POLK: variants seen among roughly 807,000 people sequenced by gnomAD.
The protein encoded by POLK is DNA polymerase kappa.
In POLK, 76 loss-of-function variants were observed where a neutral mutation model predicts 94.0. The observed-to-expected ratio is 0.81, with a 90% CI of 0.67 to 0.98. The LOEUF (loss-of-function observed/expected upper bound fraction) is 0.98. Among genes scored for constraint, POLK ranks in the 50% least tolerant of loss-of-function variants. The pLI, the probability that POLK is intolerant of heterozygous loss-of-function variation, is 0.00. For missense variants in POLK, 954 were observed against 1,010.1 expected, an observed-to-expected ratio of 0.94 and a Z score of 0.75; for synonymous variants, 349 against 325.4, an observed-to-expected ratio of 1.07 and a Z score of -0.78.
chr5:75,537,686 A>AT (rs1769517360), intron 1 of POLK, among the ~76,000 whole-genome samples: 1 of 152,164 alleles, frequency 6.6e-6, no homozygotes, highest in Admixed American at 6.5e-5. Context: ...ATTACACATT[A>AT]TGGCATTAGT....
At chr5:75,590,644 G>A in intron 11 of POLK, 1 of 531,470 alleles carries the variant, frequency 1.9e-6, no homozygotes, top group East Asian at 2.8e-5. Flanking sequence ...ATTCTATGAA[G>A]AAGCACCTTA....
At chr5:75,550,750 G>A (rs1006321333) in intron 2 of POLK, among the ~76,000 whole-genome samples, 1 of 151,964 alleles carries the variant, frequency 6.6e-6, no homozygotes, top group Admixed American at 6.6e-5. Context: ...GAAATAGAAG[G>A]GTACTTCCTC....
At chr5:75,603,860 A>T (rs1353601871), downstream of POLK, among the ~76,000 whole-genome samples, 9 of 152,266 alleles carry the variant, frequency 5.9e-5, no homozygotes, top group South Asian at 1.9e-3. Context: ...CCCTCTGGAA[A>T]AATTGATCAG....
At chr5:75,516,679 CAAAAT>C (rs1226762384) in intron 1 of POLK, among the ~76,000 whole-genome samples, 1 of 151,724 alleles carries the variant, frequency 6.6e-6, no homozygotes, top group Non-Finnish European at 1.5e-5. Context: ...AACAAAAAAA[CAAAAT>C]AAAACAACTT....
intron 1 of POLK, among the ~76,000 whole-genome samples, chr5:75,526,089 T>G (rs1768828640): frequency 6.6e-6 from 1 of 152,216 alleles, no homozygotes; most frequent in Admixed American, 6.5e-5. Flanking sequence ...CATTTATATA[T>G]GCATGTTTTT....
At chr5:75,521,936 G>C (rs1768608072) in intron 1 of POLK, among the ~76,000 whole-genome samples, 1 of 152,190 alleles carries the variant, frequency 6.6e-6, no homozygotes, top group East Asian at 1.9e-4. Context: ...AGGGGTTTGT[G>C]CCCAGGGGAC....
downstream of POLK, among the ~76,000 whole-genome samples, chr5:75,603,427 CAAAAAA>C (rs11350660): frequency 7.5e-6 from 1 of 133,878 alleles, no homozygotes; most frequent in African/African-American, 2.7e-5. Flanking sequence ...ACTCTCATGT[CAAAAAA>C]AAAAAAAAAG....
intron 3 of POLK, among the ~76,000 whole-genome samples, chr5:75,563,242 G>A (rs1314987353): frequency 6.6e-6 from 1 of 152,102 alleles, no homozygotes; most frequent in Non-Finnish European, 1.5e-5. Flanking sequence ...GATTACAGAC[G>A]TGAGCCACTG....
chr5:75,521,539 A>G (rs1349205652), intron 1 of POLK, among the ~76,000 whole-genome samples: 1 of 152,066 alleles, frequency 6.6e-6, no homozygotes, highest in East Asian at 1.9e-4. Context: ...TAAAATCACT[A>G]TTTTGTATTC....
At chr5:75,556,510 A>G (rs1362192311) in intron 3 of POLK, among the ~76,000 whole-genome samples, 1 of 152,092 alleles carries the variant, frequency 6.6e-6, no homozygotes, top group Non-Finnish European at 1.5e-5. Flanking sequence ...GAAATTTTTA[A>G]TTTTAATGAA....
chr5:75,575,482 G>A (rs1771826155), intron 5 of POLK, among the ~76,000 whole-genome samples: 1 of 152,142 alleles, frequency 6.6e-6, no homozygotes. Context: ...TGCCCAGTTA[G>A]CCATTTTTGT....
chr5:75,575,889 G>A (rs994283174), intron 5 of POLK, among the ~76,000 whole-genome samples: 10 of 152,042 alleles, frequency 6.6e-5, no homozygotes, highest in African/African-American at 2.4e-4. Flanking sequence ...GAAGCTTAAC[G>A]TAATTCAGCA....
At chr5:75,512,455 T>C (rs960230128) in intron 1 of POLK, 4 of 152,218 alleles carry the variant, frequency 2.6e-5, no homozygotes, top group African/African-American at 9.7e-5. Flanking sequence ...AATGAATATC[T>C]TACTGAGAAC....
chr5:75,533,628 G>A (rs1769292421), intron 1 of POLK, among the ~76,000 whole-genome samples: 1 of 152,140 alleles, frequency 6.6e-6, no homozygotes. Context: ...TTTGTGAAGA[G>A]TGTCCTTTGT....
chr5:75,555,312 C>T (rs1455783594), intron 3 of POLK, among the ~76,000 whole-genome samples: 1 of 151,766 alleles, frequency 6.6e-6, no homozygotes, highest in Non-Finnish European at 1.5e-5. Flanking sequence ...TTCATCCCTC[C>T]CTCCCCCACT....
intron 1 of POLK, among the ~76,000 whole-genome samples, chr5:75,529,796 TA>T (rs1042634631): frequency 1.2e-4 from 19 of 152,108 alleles, no homozygotes; most frequent in African/African-American, 4.3e-4. Flanking sequence ...TGAAATAGTA[TA>T]AAAAATACTT....
chr5:75,559,928 T>C (rs1036080461), intron 3 of POLK, among the ~76,000 whole-genome samples: 6 of 152,160 alleles, frequency 3.9e-5, no homozygotes, highest in African/African-American at 1.4e-4. Flanking sequence ...ATTTCTGAAA[T>C]AGTCTCCTCA....
intron 2 of POLK, among the ~76,000 whole-genome samples, chr5:75,549,257 A>G (rs1285399736): frequency 6.6e-6 from 1 of 152,148 alleles, no homozygotes; most frequent in African/African-American, 2.4e-5. Flanking sequence ...GTCCCTATCT[A>G]TCTGATCCTC....
chr5:75,576,818 G>T, exon 6 of POLK: 1 of 1,532,414 alleles, frequency 6.5e-7, no homozygotes, highest in East Asian at 2.3e-5. Flanking sequence ...CCAATTTTAT[G>T]GCCATGAGTC....
Sources: allele counts gnomAD v4.1 joint callset (sites outside exome capture counted in the v4.1 genomes callset), GRCh38; gene constraint gnomAD v4.1.1; transcripts MANE v1.5; gene names NCBI Gene and HGNC (gene_info 2026-07-23, HGNC 2026-07-21).